The following EDIL3 variants were observed in gnomAD, a reference collection of about 807,000 sequenced individuals.
EDIL3 encodes the protein EGF like and discoidin domains 3, also known as EGF-like repeat and discoidin I-like domain-containing protein 3.
In EDIL3, 37 loss-of-function variants were observed where a neutral mutation model predicts 67.4. That is an observed-to-expected ratio of 0.55 (90% confidence interval 0.42 to 0.72). The LOEUF (loss-of-function observed/expected upper bound fraction) is 0.72, where lower values mean the gene tolerates loss of function less well. Among genes scored for constraint, EDIL3 ranks in the 30% least tolerant of loss-of-function variants. The pLI, the probability that EDIL3 is intolerant of heterozygous loss-of-function variation, is 0.00. For missense variants in EDIL3, 527 were observed against 586.3 expected (o/e 0.90, Z 1.04); for synonymous variants, 195 against 196.3 (o/e 0.99, Z 0.05).
At chr5:84,103,140 A>T (rs1433298758) in intron 6 of EDIL3, among the ~76,000 whole-genome samples, 1 of 152,138 alleles carries the variant, frequency 6.6e-6, no homozygotes, top group Non-Finnish European at 1.5e-5. Flanking sequence ...TAATCAATAA[A>T]TGATGCTGGG....
chr5:84,113,495 T>TC (rs1483028129), intron 5 of EDIL3, among the ~76,000 whole-genome samples: 9 of 152,088 alleles, frequency 5.9e-5, no homozygotes, highest in African/African-American at 2.2e-4. Flanking sequence ...GGGCCAAACT[T>TC]CAAGTGCCTC....
At chr5:84,354,246 TGTGA>T (rs1447870249) in intron 1 of EDIL3, among the ~76,000 whole-genome samples, 3 of 152,200 alleles carry the variant, frequency 2.0e-5, no homozygotes, top group Non-Finnish European at 2.9e-5. Context: ...AAGAAAGCCA[TGTGA>T]GTGTCTCTTC....
chr5:84,183,715 A>T (rs923631662), intron 3 of EDIL3, among the ~76,000 whole-genome samples: 4 of 152,220 alleles, frequency 2.6e-5, no homozygotes, highest in African/African-American at 9.6e-5. Context: ...AGAGAAAATA[A>T]GTCTTCCATG....
chr5:84,204,888 C>A (rs1008871865), intron 3 of EDIL3, among the ~76,000 whole-genome samples: 2 of 150,730 alleles, frequency 1.3e-5, no homozygotes, highest in Non-Finnish European at 1.5e-5. Flanking sequence ...TTCCTGTAAG[C>A]AGCCTTGATA....
chr5:84,238,920 T>C (rs1744736354), intron 2 of EDIL3, among the ~76,000 whole-genome samples: 1 of 152,118 alleles, frequency 6.6e-6, no homozygotes, highest in African/African-American at 2.4e-5. Context: ...ACACCACATT[T>C]TTCTAATCTT....
intron 5 of EDIL3, among the ~76,000 whole-genome samples, chr5:84,114,270 C>G (rs1261568661): frequency 2.0e-5 from 3 of 148,852 alleles, no homozygotes; most frequent in African/African-American, 7.5e-5. Context: ...AGAAAGAGGT[C>G]AGGGGATGGA....
intron 10 of EDIL3, among the ~76,000 whole-genome samples, chr5:83,953,720 TAA>T: frequency 6.6e-6 from 1 of 151,946 alleles, no homozygotes; most frequent in Non-Finnish European, 1.5e-5. Flanking sequence ...ACAGGTATAA[TAA>T]CTGAATCCAT....
intron 10 of EDIL3, among the ~76,000 whole-genome samples, chr5:83,951,248 A>G (rs931828261): frequency 6.6e-6 from 1 of 151,762 alleles, no homozygotes; most frequent in Non-Finnish European, 1.5e-5. Context: ...AATTATTTCC[A>G]TTCCCATTGT....
intron 1 of EDIL3, among the ~76,000 whole-genome samples, chr5:84,313,131 G>A (rs530325567): frequency 9.9e-5 from 15 of 152,228 alleles, no homozygotes; most frequent in Admixed American, 9.2e-4. Context: ...AGTAAGGGCA[G>A]ATTCAAATTT....
chr5:84,327,915 T>A (rs768095394), intron 1 of EDIL3, among the ~76,000 whole-genome samples: 34 of 151,998 alleles, frequency 2.2e-4, no homozygotes, highest in Non-Finnish European at 3.7e-4. Flanking sequence ...TCCTAATTCA[T>A]CTCAGTTTTA....
intron 1 of EDIL3, among the ~76,000 whole-genome samples, chr5:84,350,356 C>T (rs1256887809): frequency 6.6e-6 from 1 of 151,844 alleles, no homozygotes; most frequent in Non-Finnish European, 1.5e-5. Flanking sequence ...TACTTTTTTA[C>T]TTTCTAGTGA....
At chr5:84,071,372 A>G (rs1746738002) in intron 6 of EDIL3, among the ~76,000 whole-genome samples, 1 of 152,314 alleles carries the variant, frequency 6.6e-6, no homozygotes, top group East Asian at 1.9e-4. Context: ...GATCAAAAGG[A>G]AAAAACAGAA....
intron 1 of EDIL3, among the ~76,000 whole-genome samples, chr5:84,371,450 T>TAGAG (rs142715442): frequency 4.8e-5 from 5 of 103,988 alleles, no homozygotes; most frequent in African/African-American, 1.7e-4. Flanking sequence ...TATATATATA[T>TAGAG]AGAGAGAGAG....
chr5:84,243,673 C>T (rs935062019), intron 2 of EDIL3, among the ~76,000 whole-genome samples: 8 of 152,186 alleles, frequency 5.3e-5, no homozygotes, highest in South Asian at 2.1e-4. Flanking sequence ...AGGATTAGTA[C>T]GTAAGAAAAC....
At chr5:84,208,826 A>G (rs1335946789) in intron 3 of EDIL3, among the ~76,000 whole-genome samples, 1 of 151,526 alleles carries the variant, frequency 6.6e-6, no homozygotes, top group Non-Finnish European at 1.5e-5. Context: ...GCGATTCCTC[A>G]GGGATCTAGA....
chr5:84,227,042 C>G (rs912936292), intron 3 of EDIL3, among the ~76,000 whole-genome samples: 4 of 151,938 alleles, frequency 2.6e-5, no homozygotes, highest in Non-Finnish European at 4.4e-5. Context: ...AAAGCACCAA[C>G]ACTGCTTGGC....
intron 6 of EDIL3, among the ~76,000 whole-genome samples, chr5:84,076,992 T>C (rs2112253434): frequency 6.6e-6 from 1 of 152,044 alleles, no homozygotes; most frequent in South Asian, 2.1e-4. Flanking sequence ...TCACACAGAA[T>C]ACTATAGACT....
At chr5:84,309,704 T>C (rs1472744307) in intron 1 of EDIL3, among the ~76,000 whole-genome samples, 1 of 152,210 alleles carries the variant, frequency 6.6e-6, no homozygotes, top group Non-Finnish European at 1.5e-5. Context: ...TAGTATTCCA[T>C]GGTGTATATG....
chr5:84,305,596 C>T (rs1164352692), intron 1 of EDIL3, among the ~76,000 whole-genome samples: 1 of 152,160 alleles, frequency 6.6e-6, no homozygotes, highest in African/African-American at 2.4e-5. Flanking sequence ...CTTTAAGATA[C>T]AGGCCGAGTG....
Sources: gnomAD v4.1 joint callset for allele counts (sites outside exome capture counted in the v4.1 genomes callset) on GRCh38, gnomAD v4.1.1 for gene constraint, MANE v1.5 for transcripts, NCBI Gene and HGNC (gene_info 2026-07-23, HGNC 2026-07-21) for gene names.